DDIAS: variants seen among roughly 807,000 people sequenced by gnomAD.
DDIAS encodes DNA damage induced apoptosis suppressor.
Under a neutral mutation model 15.7 loss-of-function variants are expected in DDIAS, and 14 were observed. That is an observed-to-expected ratio of 0.89 (90% CI 0.59 to 1.39). The LOEUF is 1.39. DDIAS is among the 40% of genes most tolerant of loss of function. The pLI, the probability that DDIAS is intolerant of heterozygous loss-of-function variation, is 0.00. For synonymous variants in DDIAS, 355 were observed against 395.9 expected (o/e 0.90, Z 1.23); for missense variants, 1,035 against 1,130.9 (o/e 0.92, Z 1.22).
rs147890809 is a variant in DDIAS at position 82,934,127 on chromosome 11, C to T, written c.2789C>T (p.Thr930Met). 2.4e-5 allele frequency: 39 copies of T among 1,608,404 alleles called. No individual in the cohort carries two copies. The highest frequency in any genetic ancestry group is 1.2e-4 in the African/African-American group (9 of 74,432). ...KLKNMLAAVV[T>M]KKKTHKYNCK... ...AAGAATATGCTTGCAGCAGTTGTTA[C>T]GAAAAAGAAAACTCATAAATATAAC... Residue 930 changes from threonine (T) to methionine (M), a missense_variant, in exon 6 of 6, where the codon ACG becomes ATG. Physicochemically the swap from Thr to Met is moderately conservative, Grantham distance 81. Transcript: ENST00000533655.
At chr11:82,913,739 A>T in intron 2 of DDIAS, 1 of 441,052 alleles carries the variant, frequency 2.3e-6, no homozygotes, top group Non-Finnish European at 4.5e-6. Context: ...GTTCTTTAAA[A>T]GATTCATGTA....
rs1860598578 is a variant in DDIAS at position 82,914,738 on chromosome 11, C to T, written c.-1C>T. ...TGTTTTGCAGACCACGGTGTGAACA[C>T]ATGAACAGAAGACGAAAATTTCTTC... On this transcript the variant is annotated 5_prime_UTR_variant, in exon 3 of 6. Transcript: ENST00000533655. 6.4e-7 allele frequency: 1 copy of T among 1,568,836 alleles called. No individual in the cohort carries two copies. The highest frequency in any genetic ancestry group is 8.8e-7 in the Non-Finnish European group (1 of 1,139,670).
chr11:82,933,709 G>A lies in DDIAS; in HGVS notation c.2371G>A (p.Ala791Thr), dbSNP rs1218768203. Residue 791 changes from alanine (A) to threonine (T), a missense_variant, in exon 6 of 6, where the codon GCT (alanine) becomes ACT (threonine). Physicochemically the swap from Ala to Thr is moderately conservative, Grantham distance 58 (BLOSUM62 0). Transcript: ENST00000533655. Reference protein sequence around the residue: ...HQTRIHGINRAFKKPVFYSDL... With the variant: ...HQTRIHGINRTFKKPVFYSDL... Reference sequence around the variant, plus strand: ...AACAAGAATTCATGGGATAAACAGAGCTTTCAAAAAACCTGTATTTTATTC... The same window carrying A: ...AACAAGAATTCATGGGATAAACAGAACTTTCAAAAAACCTGTATTTTATTC... 9 of 1,613,132 alleles carry A rather than the reference G, an allele frequency of 5.6e-6. No homozygotes were observed. The highest frequency in any genetic ancestry group is 1.3e-5 in the African/African-American group (1 of 74,842).
intron 5 of DDIAS, among the ~76,000 whole-genome samples, chr11:82,930,658 G>C (rs572408941): frequency 6.6e-6 from 1 of 152,094 alleles, no homozygotes; most frequent in East Asian, 1.9e-4. Flanking sequence ...ATGGAACACT[G>C]AAGGCAAAGT....
chr11:82,933,801 A>G lies in DDIAS; in HGVS notation c.2463A>G (p.Pro821=). Residue 821 remains proline, a synonymous_variant, in exon 6 of 6, where the codon CCA becomes CCG. Coordinates refer to ENST00000533655, the MANE Select transcript of DDIAS (RefSeq NM_145018.4). ...FPENDKQQAS[P]SCPKNIKTPS... is the part of the protein sequence containing the mutation. ...AAAATGACAAACAGCAAGCCAGCCC[A>G]AGCTGTCCAAAAAATATAAAAACAC... 1 of 1,613,388 alleles carries G rather than the reference A, an allele frequency of 6.2e-7. No homozygotes were observed. The highest frequency in any genetic ancestry group is 8.5e-7 in the Non-Finnish European group (1 of 1,179,886).
At position 82,916,975 on chromosome 11, in the gene DDIAS, C is replaced by G. The variant is rs139980611; in HGVS notation, c.113+2124C>G. On this transcript the variant is annotated intron_variant, in intron 3 of 5. Transcript: ENST00000533655. ...CAGAATGACATCTTCCCCTCTCTTT[C>G]TTAGAACTTAAAGTGACCTCGGAAA... Among the ~76,000 whole-genome samples, 1,074 of 152,280 alleles carry G rather than the reference C, an allele frequency of 7.1e-3. 12 individuals carry two copies. Among genetic ancestry groups the G allele is most frequent in the African/African-American group, 0.024 (1,015 of 41,556 alleles).
chr11:82,926,234 C>T (rs964437506), intron 3 of DDIAS, among the ~76,000 whole-genome samples: 7 of 151,720 alleles, frequency 4.6e-5, no homozygotes, highest in Non-Finnish European at 8.8e-5. Flanking sequence ...GGACTACAGG[C>T]GCATGCCACC....
chr11:82,917,069 T>C (rs983885464), intron 3 of DDIAS, among the ~76,000 whole-genome samples: 17 of 152,306 alleles, frequency 1.1e-4, no homozygotes, highest in Middle Eastern at 3.4e-3. Flanking sequence ...GGAAACATAG[T>C]CCATGGAAAT....
In DDIAS at chr11:82,933,134, A is replaced by G; in HGVS notation, c.1796A>G (p.Lys599Arg). 2 of 1,608,128 alleles carry G rather than the reference A, an allele frequency of 1.2e-6. No homozygotes were observed. The highest frequency in any genetic ancestry group is 1.7e-6 in the Non-Finnish European group (2 of 1,179,510). ...AAGTTGACAACTCTGTGTTATAGGAAGTATAATGATGTCTCTGATCTTTGC... is the reference window on the plus strand; with the variant it reads ...AAGTTGACAACTCTGTGTTATAGGAGGTATAATGATGTCTCTGATCTTTGC... ...NEKLTTLCYR[K>R]YNDVSDLCKL... The change falls in exon 6 of 6, where the codon AAG (lysine) becomes AGG (arginine). Residue 599 changes from lysine to arginine, a missense_variant. Lys to Arg is a conservative substitution (Grantham distance 26, BLOSUM62 2). Transcript: ENST00000533655.
At chr11:82,929,762 C>T (rs557449936) in intron 4 of DDIAS, among the ~76,000 whole-genome samples, 5 of 151,550 alleles carry the variant, frequency 3.3e-5, no homozygotes, top group African/African-American at 1.2e-4. Context: ...CCCCTAATCA[C>T]ATGCAAGAAA....
chr11:82,929,256 T>C (rs1373967347), intron 4 of DDIAS, among the ~76,000 whole-genome samples: 2 of 152,232 alleles, frequency 1.3e-5, no homozygotes, highest in African/African-American at 2.4e-5. Flanking sequence ...GAGGTTAGCA[T>C]TGAAACAGTT....
chr11:82,931,721 T>G lies in DDIAS; in HGVS notation c.394-11T>G. 1 of 1,565,278 alleles carries G rather than the reference T, an allele frequency of 6.4e-7. No individual in the cohort carries two copies. The highest frequency in any genetic ancestry group is 2.2e-5 in the East Asian group (1 of 44,518). ...TTTATTCTTACTTAAATTTCTTTGC[T>G]TCTTTCACAGAATTTTGAAAACCAA... On this transcript the variant is annotated splice_polypyrimidine_tract_variant and intron_variant, in intron 5 of 5. Transcript: ENST00000533655.
chr11:82,933,335 C>A lies in DDIAS; in HGVS notation c.1997C>A (p.Ser666Tyr). 6.2e-7 allele frequency: 1 copy of A among 1,613,982 alleles called. No homozygotes were observed. Among genetic ancestry groups the A allele is most frequent in the South Asian group, 1.1e-5 (1 of 91,064 alleles). The part of the protein sequence containing the change: ...HINNNVTQSY[S>Y]IGYEGSYDAS... ...AATAACAACGTAACACAGAGCTATT[C>A]TATTGGTTATGAAGGTAGCTATGAT... Residue 666 changes from serine (S) to tyrosine (Y), a missense_variant, in exon 6 of 6, where the codon TCT becomes TAT. Coordinates refer to ENST00000533655, the MANE Select transcript of DDIAS (RefSeq NM_145018.4).
chr11:82,907,207 TG>T (rs1445908784), intron 1 of DDIAS, among the ~76,000 whole-genome samples: 1 of 152,072 alleles, frequency 6.6e-6, no homozygotes, highest in Non-Finnish European at 1.5e-5. Context: ...AAACATATTG[TG>T]GGGGTGGGGA....
chr11:82,905,121 C>A (rs146259961), intron 1 of DDIAS, among the ~76,000 whole-genome samples: 308 of 152,154 alleles, frequency 2.0e-3, no homozygotes, highest in African/African-American at 7.1e-3. Flanking sequence ...CCACATGGAC[C>A]CCACATATTT....
intron 3 of DDIAS, among the ~76,000 whole-genome samples, chr11:82,926,997 C>G (rs1860876451): frequency 6.6e-6 from 1 of 152,114 alleles, no homozygotes; most frequent in Non-Finnish European, 1.5e-5. Flanking sequence ...ATCATAATAT[C>G]AGAACTTCAT....
intron 2 of DDIAS, 163 bp from the exon 3 acceptor site, chr11:82,914,560 A>G (rs969031980): frequency 1.2e-5 from 6 of 496,282 alleles, no homozygotes; most frequent in African/African-American, 1.2e-4. Context: ...TTTAAGGAGA[A>G]AAAGAATTAA....
intron 3 of DDIAS, among the ~76,000 whole-genome samples, chr11:82,915,965 TATA>T (rs1316998714): frequency 6.6e-6 from 1 of 152,238 alleles, no homozygotes; most frequent in African/African-American, 2.4e-5. Flanking sequence ...TCATCAACGT[TATA>T]ATGATGTTGT....
rs1860601681 is a variant in DDIAS, at chr11:82,914,867, G to A, written c.113+16G>A. 1.3e-6 allele frequency: 2 copies of A among 1,490,326 alleles called. No homozygotes were observed. The highest frequency in any genetic ancestry group is 2.3e-5 in the South Asian group (2 of 86,512). 92.3% of individuals were successfully genotyped at this position (1,490,326 alleles called of 1,614,324 possible). The stretch of plus-strand genomic sequence containing the variant: ...TCTCCAAAAGGTAAAAGTAAAGTCT[G>A]TAAGTGTGAGAGAGGAAATACAAAT... On this transcript the variant is annotated intron_variant, in intron 3 of 5. Coordinates refer to ENST00000533655, the MANE Select transcript of DDIAS (RefSeq NM_145018.4).
Sources: allele counts gnomAD v4.1 joint callset (sites outside exome capture counted in the v4.1 genomes callset), GRCh38; gene constraint gnomAD v4.1.1; transcripts MANE v1.5; gene names NCBI Gene and HGNC (gene_info 2026-07-23, HGNC 2026-07-21).